The following CHN2 variants were observed in gnomAD, a reference collection of about 807,000 sequenced individuals.
The protein encoded by CHN2 is chimerin 2, also known as beta-chimaerin.
In CHN2, 35 loss-of-function variants were observed where a neutral mutation model predicts 56.3. The observed-to-expected ratio is 0.62, with a 90% CI of 0.47 to 0.82. The LOEUF is 0.82. Ranked by LOEUF, CHN2 falls within the 40% of genes least tolerant of loss-of-function variation. CHN2 has a pLI of 0.00. For missense variants in CHN2, 491 were observed against 580.5 expected, an observed-to-expected ratio of 0.85 and a Z score of 1.58; for synonymous variants, 210 against 212.8, an observed-to-expected ratio of 0.99 and a Z score of 0.12.
chr7:29,318,136 T>G (rs77372462), intron 1 of CHN2, among the ~76,000 whole-genome samples: 9 of 152,186 alleles, frequency 5.9e-5, no homozygotes, highest in African/African-American at 2.2e-4. Flanking sequence ...ATGTCTAGCC[T>G]TGAAATGTTG....
At chr7:29,297,953 G>A (rs565356078) in intron 1 of CHN2, among the ~76,000 whole-genome samples, 33 of 152,308 alleles carry the variant, frequency 2.2e-4, no homozygotes, top group African/African-American at 7.9e-4. Flanking sequence ...AAAGAGGAGA[G>A]CAGGAGTCCC....
At chr7:29,449,832 C>T (rs2128129886) in intron 6 of CHN2, among the ~76,000 whole-genome samples, 1 of 152,308 alleles carries the variant, frequency 6.6e-6, no homozygotes, top group East Asian at 1.9e-4. Context: ...AAGGCCAAGC[C>T]CAAAGAGCAA....
At chr7:29,482,815 T>TC (rs1787449269) in intron 7 of CHN2, among the ~76,000 whole-genome samples, 3 of 65,574 alleles carry the variant, frequency 4.6e-5, no homozygotes, top group Non-Finnish European at 9.2e-5. Context: ...TTTTTTTTTT[T>TC]TTTTTTTTTT....
rs138831289 is a variant in CHN2, at chr7:29,341,629, G to A, written c.50-12996G>A. Among the ~76,000 whole-genome samples, 354 of 148,622 alleles carry A rather than the reference G, an allele frequency of 2.4e-3. 2 individuals are homozygous for A. The highest frequency in any genetic ancestry group is 2.0e-3 in the Non-Finnish European group (136 of 66,928). On this transcript the variant is annotated intron_variant, in intron 1 of 12. Transcript: ENST00000222792. ...GGATGGGAGGGAGAGAGGGAGGGGG[G>A]CATCTCAGTTAGTGAGATTTTACTT...
At chr7:29,222,985 A>G (rs39065) in intron 1 of CHN2, among the ~76,000 whole-genome samples, 119,758 of 152,094 alleles carry the variant, frequency 0.79, 47,538 homozygotes, top group East Asian at 0.94. Flanking sequence ...TCCAGAATAT[A>G]TCAAGAATCT....
intron 1 of CHN2, chr7:29,212,602 G>A: frequency 7.1e-7 from 1 of 1,411,600 alleles, no homozygotes; most frequent in Non-Finnish European, 1.0e-6. Context: ...CCAGAACTGT[G>A]TTTTCTTCCA....
chr7:29,259,547 G>T (rs1789377874), intron 1 of CHN2, among the ~76,000 whole-genome samples: 1 of 152,026 alleles, frequency 6.6e-6, no homozygotes, highest in Non-Finnish European at 1.5e-5. Flanking sequence ...ATATACATAT[G>T]TCATATGTAT....
intron 1 of CHN2, among the ~76,000 whole-genome samples, chr7:29,271,344 C>T (rs751645369): frequency 3.3e-5 from 5 of 152,176 alleles, no homozygotes; most frequent in South Asian, 4.1e-4. Flanking sequence ...AATGATTAAA[C>T]GTATTTTCAC....
intron 2 of CHN2, among the ~76,000 whole-genome samples, chr7:29,168,149 G>A (rs1179407702): frequency 6.6e-6 from 1 of 152,114 alleles, no homozygotes; most frequent in African/African-American, 2.4e-5. Context: ...GCTTTTTCCT[G>A]CTTACTAATG....
chr7:29,249,750 T>C (rs1449109977), intron 1 of CHN2, among the ~76,000 whole-genome samples: 1 of 152,240 alleles, frequency 6.6e-6, no homozygotes, highest in Non-Finnish European at 1.5e-5. Context: ...ATGTGAAAGA[T>C]ATTATGGAAT....
intron 1 of CHN2, among the ~76,000 whole-genome samples, chr7:29,320,523 C>A (rs1252244226): frequency 6.6e-6 from 1 of 152,096 alleles, no homozygotes; most frequent in African/African-American, 2.4e-5. Context: ...AAGAGAGAAA[C>A]CCGAGTAAAT....
In CHN2 at chr7:29,398,276, G is replaced by A. The variant is rs1290837378; in HGVS notation, c.177-97G>A. 5.0e-5 allele frequency: 45 copies of A among 897,086 alleles called. No homozygotes were observed. The East Asian group carries it at 6.1e-4, about 12-fold the overall frequency. The allele number at this position is 897,086 out of a possible 1,614,324, so 55.6% of individuals were successfully genotyped here. ...TTCTTCACTCAGTTGTGGGGCTGTCGATTCTGGGTGCCCCCACCATCCTTT... is the reference window on the plus strand; with the variant it reads ...TTCTTCACTCAGTTGTGGGGCTGTCAATTCTGGGTGCCCCCACCATCCTTT... On this transcript the variant is annotated intron_variant, in intron 4 of 12. Coordinates refer to ENST00000222792, the MANE Select transcript of CHN2 (RefSeq NM_004067.4).
At chr7:29,265,691 T>C (rs763129573) in intron 1 of CHN2, among the ~76,000 whole-genome samples, 5 of 151,814 alleles carry the variant, frequency 3.3e-5, no homozygotes, top group Non-Finnish European at 7.4e-5. Context: ...CTCTCTCTGG[T>C]TTCGGAAAGC....
At position 29,513,094 on chromosome 7, in the gene CHN2, G is replaced by A; in HGVS notation, c.*359G>A. The A allele has an allele frequency of 5.8e-6, 1 of 171,202 alleles. No homozygotes were observed. Among genetic ancestry groups the A allele is most frequent in the Non-Finnish European group, 1.2e-5 (1 of 80,378 alleles). 10.6% of individuals were successfully genotyped at this position (171,202 alleles called of 1,614,324 possible). A position where few individuals can be genotyped will look rare whatever the true frequency, so the allele number is the denominator to read the frequency against. ...TTAATTCATACAGGTACTTGATACA[G>A]TTATACATTTTCCACTTACAAAAAG... is the stretch of plus-strand genomic sequence containing the variant. On this transcript the variant is annotated 3_prime_UTR_variant, in exon 13 of 13. Transcript: ENST00000222792.
At chr7:29,259,369 A>C (rs1789362011) in intron 1 of CHN2, among the ~76,000 whole-genome samples, 1 of 151,792 alleles carries the variant, frequency 6.6e-6, no homozygotes, top group African/African-American at 2.4e-5. Flanking sequence ...CAAAACCCAA[A>C]ACCAAAGAAG....
chr7:29,499,826 A>G, intron 8 of CHN2, 41 bp from the exon 9 acceptor site: 2 of 1,504,174 alleles, frequency 1.3e-6, no homozygotes, highest in Non-Finnish European at 1.8e-6. Context: ...GTGCTTTGAC[A>G]AAAGGGCTGG....
intron 7 of CHN2, among the ~76,000 whole-genome samples, chr7:29,482,706 C>T (rs1787403417): frequency 6.7e-6 from 1 of 148,816 alleles, no homozygotes; most frequent in South Asian, 2.1e-4. Context: ...ATGTGCATAG[C>T]ATATAGTAAG....
intron 8 of CHN2, among the ~76,000 whole-genome samples, chr7:29,499,348 G>A (rs1380057483): frequency 6.6e-6 from 1 of 152,150 alleles, no homozygotes; most frequent in African/African-American, 2.4e-5. Flanking sequence ...GGAAACTATG[G>A]GGCAACCTTC....
chr7:29,280,782 G>A (rs1047129293), intron 1 of CHN2, among the ~76,000 whole-genome samples: 6 of 152,152 alleles, frequency 3.9e-5, no homozygotes, highest in Non-Finnish European at 8.8e-5. Context: ...AAACCAATGA[G>A]TGATAGGAAC....
Sources: gnomAD v4.1 joint callset for allele counts (sites outside exome capture counted in the v4.1 genomes callset) on GRCh38, gnomAD v4.1.1 for gene constraint, MANE v1.5 for transcripts, NCBI Gene and HGNC (gene_info 2026-07-23, HGNC 2026-07-21) for gene names.